TANC2: variants seen among roughly 807,000 people sequenced by gnomAD.
TANC2 encodes the protein protein TANC2.
TANC2 carries 26 observed loss-of-function variants against 210.5 expected under a neutral mutation model. The observed-to-expected ratio is 0.12, with a 90% CI of 0.09 to 0.17. The LOEUF is 0.17. Ranked by LOEUF, TANC2 falls within the 10% of genes least tolerant of loss-of-function variation. The pLI is 1.00. For synonymous variants in TANC2, 931 were observed against 967.1 expected, an observed-to-expected ratio of 0.96 and a Z score of 0.69; for missense variants, 2,129 against 2,608.9, an observed-to-expected ratio of 0.82 and a Z score of 4.01.
At chr17:63,076,106 C>T (rs537133072) in intron 3 of TANC2, among the ~76,000 whole-genome samples, 1 of 152,082 alleles carries the variant, frequency 6.6e-6, no homozygotes, top group Non-Finnish European at 1.5e-5. Flanking sequence ...GATGCAGTGA[C>T]AATTGGTTGA....
intron 3 of TANC2, among the ~76,000 whole-genome samples, chr17:63,094,806 G>A (rs1316253494): frequency 6.6e-6 from 1 of 152,148 alleles, no homozygotes; most frequent in Non-Finnish European, 1.5e-5. Flanking sequence ...GTCACCAGGT[G>A]TCCAGCATAA....
At chr17:63,262,029 CTT>C (rs2043373057) in intron 8 of TANC2, among the ~76,000 whole-genome samples, 1 of 152,098 alleles carries the variant, frequency 6.6e-6, no homozygotes, top group African/African-American at 2.4e-5. Context: ...AAATTGGAAA[CTT>C]AATTTACATC....
chr17:63,389,495 C>T, exon 17 of TANC2: 1 of 1,613,060 alleles, frequency 6.2e-7, no homozygotes, highest in Non-Finnish European at 8.5e-7. Flanking sequence ...TATGCTGCAG[C>T]AGCAGGGTAC....
chr17:63,418,357 G>A lies in TANC2; in HGVS notation c.4218G>A (p.Pro1406=). The change falls in exon 27 of 28, where the codon CCG becomes CCA. Residue 1406 remains proline (P), a synonymous_variant. Transcript: ENST00000689528. This position sits in a 1 kb window ranked among gnomAD's most constrained non-coding sequence, Gnocchi z 4.6. ...CTACTAAGGCCCTGGAGCTGAAACC[G>A]AAATCTTATGAAGCTTACTATGCGA... The A allele has an allele frequency of 6.2e-7, 1 of 1,613,268 alleles. No homozygotes were observed. The highest frequency in any genetic ancestry group is 8.5e-7 in the Non-Finnish European group (1 of 1,179,642).
intron 2 of TANC2, among the ~76,000 whole-genome samples, chr17:63,019,914 T>TTTTGTTTG (rs372966886): frequency 2.6e-5 from 4 of 151,996 alleles, no homozygotes; most frequent in African/African-American, 9.7e-5. Flanking sequence ...AGTCTATAGT[T>TTTTGTTTG]TTTGTTTGTT....
rs116778893 is a variant in TANC2, at chr17:63,418,725, G to A, written c.4268+318G>A. ...AGAGCAGCTAGCACAAAGAGACAACGGCGACTTAAAGAAATCACTTAAGCA... is the reference window on the plus strand; with the variant it reads ...AGAGCAGCTAGCACAAAGAGACAACAGCGACTTAAAGAAATCACTTAAGCA... On this transcript the variant is annotated intron_variant, in intron 27 of 27. Coordinates refer to ENST00000689528, the Ensembl canonical transcript of TANC2. The surrounding 1 kb of genome is among the most constrained non-coding windows in gnomAD (Gnocchi z 4.6). Among the ~76,000 whole-genome samples the A allele has an allele frequency of 2.8e-3, 431 of 152,316 alleles. 2 individuals carry two copies. The highest frequency in any genetic ancestry group is 9.8e-3 in the African/African-American group (406 of 41,560).
intron 4 of TANC2, among the ~76,000 whole-genome samples, chr17:63,110,739 C>G (rs748842413): frequency 1.3e-5 from 2 of 152,186 alleles, no homozygotes; most frequent in Non-Finnish European, 2.9e-5. Context: ...CTACCTCTTT[C>G]TACTGTCATA....
At chr17:63,284,359 GTATT>G (rs1567881092) in intron 9 of TANC2, among the ~76,000 whole-genome samples, 2 of 151,868 alleles carry the variant, frequency 1.3e-5, no homozygotes, top group Admixed American at 6.6e-5. Flanking sequence ...TTACTGTTCT[GTATT>G]TATGTTCATG....
intron 1 of TANC2, 68 bp from the exon 2 acceptor site, chr17:63,009,469 A>C: frequency 9.7e-7 from 1 of 1,036,050 alleles, no homozygotes; most frequent in Non-Finnish European, 1.5e-6. Context: ...GTTATTGACT[A>C]TAGTCACCCT....
chr17:63,099,383 T>A, intron 4 of TANC2, 26 bp downstream of exon 4: 1 of 1,451,476 alleles, frequency 6.9e-7, no homozygotes, highest in South Asian at 1.4e-5. Context: ...AAATTTAGTA[T>A]GTTTAACAGG....
intron 3 of TANC2, among the ~76,000 whole-genome samples, chr17:63,091,683 T>A (rs1379443938): frequency 2.0e-5 from 3 of 152,234 alleles, no homozygotes; most frequent in Non-Finnish European, 2.9e-5. Flanking sequence ...AGGATTGTCT[T>A]AGAAATGCGG....
At position 63,421,385 on chromosome 17, in the gene TANC2, A is replaced by G; in HGVS notation, c.5655A>G (p.Pro1885=). The change falls in exon 28 of 28, where the codon CCA becomes CCG. Residue 1885 remains proline, a synonymous_variant. Coordinates refer to ENST00000689528, the Ensembl canonical transcript of TANC2. This position sits in a 1 kb window ranked among gnomAD's most constrained non-coding sequence, Gnocchi z 6.9. ...CCAACCTAACTCCGACCTTCCGGCC[A>G]TCTTCTTCCATCCAGCAAATGGAGA... is the stretch of plus-strand genomic sequence containing the variant. 6 of 1,613,954 alleles carry G rather than the reference A, an allele frequency of 3.7e-6. No homozygotes were observed. The highest frequency in any genetic ancestry group is 5.1e-6 in the Non-Finnish European group (6 of 1,179,868).
In TANC2 at chr17:63,421,647, G is replaced by A. The variant is rs1050565017; in HGVS notation, c.5917G>A (p.Glu1973Lys). The change falls in exon 28 of 28, where the codon GAG (glutamate) becomes AAG (lysine). Residue 1973 changes from glutamate (E) to lysine (K), a missense_variant. Coordinates refer to ENST00000689528, the Ensembl canonical transcript of TANC2. This position sits in a 1 kb window ranked among gnomAD's most constrained non-coding sequence, Gnocchi z 6.9. ...GTCTCCAGGCAACCTGCCTCAGCCT[G>A]AGTCCTTCAGTCCACCATCATCCAT... 3.7e-6 allele frequency: 6 copies of A among 1,614,028 alleles called. No individual in the cohort carries two copies. Among genetic ancestry groups the A allele is most frequent in the South Asian group, 1.1e-5 (1 of 91,080 alleles).
chr17:63,215,774 G>A (rs1041822676), intron 7 of TANC2, among the ~76,000 whole-genome samples: 1 of 151,574 alleles, frequency 6.6e-6, no homozygotes, highest in African/African-American at 2.4e-5. Context: ...TTCTGAGACG[G>A]AGTCTCACTC....
chr17:63,230,458 T>A (rs543934728), intron 7 of TANC2, among the ~76,000 whole-genome samples: 1 of 152,308 alleles, frequency 6.6e-6, no homozygotes, highest in African/African-American at 2.4e-5. Context: ...TTTAGCTGTG[T>A]CCCAGAGATT....
chr17:63,263,197 CTA>C (rs1439333820), intron 8 of TANC2, among the ~76,000 whole-genome samples: 1 of 152,034 alleles, frequency 6.6e-6, no homozygotes, highest in Non-Finnish European at 1.5e-5. Context: ...ATGTAAAACT[CTA>C]TATATTAATA....
chr17:63,256,677 C>T (rs1183014741), intron 8 of TANC2, among the ~76,000 whole-genome samples: 1 of 152,166 alleles, frequency 6.6e-6, no homozygotes, highest in Non-Finnish European at 1.5e-5. Context: ...CTGTCCAATG[C>T]TGACAGTGGG....
chr17:63,095,049 T>G (rs1428162067), intron 3 of TANC2, among the ~76,000 whole-genome samples: 2 of 147,486 alleles, frequency 1.4e-5, no homozygotes, highest in African/African-American at 5.4e-5. Flanking sequence ...GTATTCCTTA[T>G]GCTATGCAAC....
At chr17:63,152,639 GCTT>G (rs1185793865) in intron 5 of TANC2, 2 of 152,086 alleles carry the variant, frequency 1.3e-5, no homozygotes, top group African/African-American at 2.4e-5. Flanking sequence ...GTATTGTCAC[GCTT>G]CTTGGGCAGT....
Sources: allele counts gnomAD v4.1 joint callset (sites outside exome capture counted in the v4.1 genomes callset), GRCh38; gene constraint gnomAD v4.1.1; non-coding constraint Gnocchi (gnomAD v3.1); transcripts MANE v1.5; gene names NCBI Gene and HGNC (gene_info 2026-07-23, HGNC 2026-07-21).